PCDHGB3: variants seen among roughly 807,000 people sequenced by gnomAD.
The protein encoded by PCDHGB3 is protocadherin gamma-B3.
PCDHGB3 carries 40 observed loss-of-function variants against 59.2 expected under a neutral mutation model. That is an observed-to-expected ratio of 0.68 (90% CI 0.52 to 0.88). PCDHGB3 has a LOEUF of 0.88. Among genes scored for constraint, PCDHGB3 ranks in the 40% least tolerant of loss-of-function variants. PCDHGB3 has a pLI of 0.00. For missense variants in PCDHGB3, 1,309 were observed against 1,187.9 expected (o/e 1.10, Z -1.50); for synonymous variants, 581 against 503.6 (o/e 1.15, Z -2.06).
chr5:141,486,161 A>G lies in PCDHGB3; in HGVS notation c.2416-8646A>G. 1 of 1,614,216 alleles carries G rather than the reference A, an allele frequency of 6.2e-7. No individual in the cohort carries two copies. The highest frequency in any genetic ancestry group is 8.5e-7 in the Non-Finnish European group (1 of 1,180,038). ...GGCTCGCGATGGGGGTTCTCCAGCC[A>G]TGGAGCAACATTGCAGCCTTCGAGT... On this transcript the variant is annotated intron_variant, in intron 1 of 3. Coordinates refer to ENST00000576222, the MANE Select transcript of PCDHGB3 (RefSeq NM_018924.5). The surrounding 1 kb of genome is among the most constrained non-coding windows in gnomAD (Gnocchi z 5.0).
chr5:141,461,510 G>T (rs2099016853), intron 1 of PCDHGB3, among the ~76,000 whole-genome samples: 1 of 152,014 alleles, frequency 6.6e-6, no homozygotes, highest in Non-Finnish European at 1.5e-5. Context: ...TTGGTGATTT[G>T]TTAGTTCCTT....
At chr5:141,382,796 G>T (rs1271325084) in intron 1 of PCDHGB3, 1 of 990,558 alleles carries the variant, frequency 1.0e-6, no homozygotes, top group Non-Finnish European at 1.5e-6. Context: ...CTATCCTGCT[G>T]GATTCTGAGC....
At chr5:141,441,730 A>ATGGT in intron 1 of PCDHGB3, 1 of 362,748 alleles carries the variant, frequency 2.8e-6, no homozygotes, top group South Asian at 2.2e-5. Flanking sequence ...CGCGACCAGG[A>ATGGT]CTAGCTCGCG....
At chr5:141,419,523 G>C in intron 1 of PCDHGB3, 1 of 1,612,204 alleles carries the variant, frequency 6.2e-7, no homozygotes, top group Non-Finnish European at 8.5e-7. Flanking sequence ...GTGGGCGACC[G>C]TAACGACAAC....
At chr5:141,383,534 T>C in intron 1 of PCDHGB3, 6 of 1,612,436 alleles carry the variant, frequency 3.7e-6, no homozygotes, top group Non-Finnish European at 5.1e-6. Context: ...CACCTGGTCC[T>C]CACAGCCTCT....
Position 141,372,801 on chromosome 5 carries a change from T to A in PCDHGB3, c.2407T>A (p.Leu803Met). ...NPEMPSNSGN[L>M]QKQAPPNTDW... Reference sequence around the variant, plus strand: ...AGAAATGCCTTCTAATTCAGGCAATTTGCAAAAGGTGAGTTTCTTCAAACC... The same window carrying A: ...AGAAATGCCTTCTAATTCAGGCAATATGCAAAAGGTGAGTTTCTTCAAACC... Residue 803 changes from leucine (L) to methionine (M), a missense_variant, in exon 1 of 4, where the codon TTG becomes ATG. Transcript: ENST00000576222. 6.3e-7 allele frequency: 1 copy of A among 1,594,978 alleles called. No individual in the cohort carries two copies. The highest frequency in any genetic ancestry group is 8.5e-7 in the Non-Finnish European group (1 of 1,170,082).
intron 1 of PCDHGB3, chr5:141,399,214 G>A: frequency 6.2e-7 from 1 of 1,613,956 alleles, no homozygotes; most frequent in African/African-American, 1.3e-5. Context: ...AACACTAATT[G>A]CTTTGATCAA....
rs1452602466 is a variant in PCDHGB3 at position 141,481,941 on chromosome 5, C to A, written c.2416-12866C>A. Among the ~76,000 whole-genome samples, 4 of 146,990 alleles carry A rather than the reference C, an allele frequency of 2.7e-5. No individual in the cohort carries two copies. The Admixed American group carries it at 2.7e-4, about 10-fold the overall frequency. On this transcript the variant is annotated intron_variant, in intron 1 of 3. Coordinates refer to ENST00000576222, the MANE Select transcript of PCDHGB3 (RefSeq NM_018924.5). ...AAAAAAAAAAAAAAAAAAAATCAGC[C>A]AGATGTGGTGGCAGGTGCCTGTAGT...
At chr5:141,375,966 C>A (rs373365863) in intron 1 of PCDHGB3, 4 of 1,613,374 alleles carry the variant, frequency 2.5e-6, no homozygotes, top group Non-Finnish European at 2.5e-6. Context: ...GAGGTGCGCA[C>A]GGCGCGCGCC....
At position 141,381,228 on chromosome 5, in the gene PCDHGB3, A is replaced by G. The variant is rs182297381; in HGVS notation, c.2415+8419A>G. ...TCTGGATTCTCCTCCTGGTTCCACC[A>G]ACTACTCTCCAGGACCTAGAAGAAT... On this transcript the variant is annotated intron_variant, in intron 1 of 3. Transcript: ENST00000576222. Among the ~76,000 whole-genome samples, 8 of 152,396 alleles carry G rather than the reference A, an allele frequency of 5.2e-5. No individual in the cohort carries two copies. In the East Asian group the frequency reaches 1.5e-3, roughly 29 times the overall value.
chr5:141,473,616 G>A (rs1049605139), intron 1 of PCDHGB3, among the ~76,000 whole-genome samples: 5 of 152,118 alleles, frequency 3.3e-5, no homozygotes, highest in African/African-American at 1.2e-4. Flanking sequence ...GCAAAGGGAG[G>A]GAGGAAAAAG....
chr5:141,415,062 G>C, intron 1 of PCDHGB3: 1 of 1,613,426 alleles, frequency 6.2e-7, no homozygotes, highest in Non-Finnish European at 8.5e-7. Context: ...ACACGGGCGA[G>C]GTGCGCACGG....
Position 141,393,813 on chromosome 5 carries a change from C to T in PCDHGB3, c.2415+21004C>T, listed in dbSNP as rs376904307. On this transcript the variant is annotated intron_variant, in intron 1 of 3. Coordinates refer to ENST00000576222, the MANE Select transcript of PCDHGB3 (RefSeq NM_018924.5). ...GGCACTTCTGGGGAGGACCAAATTGCTCATTTCGGTGGAAGATGTAAATGA... is the reference window on the plus strand; with the variant it reads ...GGCACTTCTGGGGAGGACCAAATTGTTCATTTCGGTGGAAGATGTAAATGA... 4.3e-6 allele frequency: 7 copies of T among 1,613,812 alleles called. 1 individual carries two copies. The East Asian group carries it at 8.9e-5, about 21-fold the overall frequency.
At chr5:141,474,117 A>C (rs748431734) in intron 1 of PCDHGB3, among the ~76,000 whole-genome samples, 11 of 152,186 alleles carry the variant, frequency 7.2e-5, no homozygotes, top group Non-Finnish European at 1.2e-4. Context: ...ACAACAACGA[A>C]AATCTCAGAA....
Position 141,418,052 on chromosome 5 carries a change from G to A in PCDHGB3, c.2415+45243G>A, listed in dbSNP as rs202112422. 1.2e-3 allele frequency: 1,918 copies of A among 1,613,866 alleles called. 6 individuals are homozygous for A. Among genetic ancestry groups the A allele is most frequent in the East Asian group, 2.1e-3 (96 of 44,758 alleles). On this transcript the variant is annotated intron_variant, in intron 1 of 3. Coordinates refer to ENST00000576222, the MANE Select transcript of PCDHGB3 (RefSeq NM_018924.5). ...TAGTGTCCTGGATGTGTCGGCTCGC[G>A]AGCTGCGAGTGAGCGCGGAGAAGCT...
intron 1 of PCDHGB3, chr5:141,418,882 C>G: frequency 1.2e-6 from 2 of 1,613,960 alleles, no homozygotes; most frequent in Non-Finnish European, 1.7e-6. Flanking sequence ...TAGACGAAAA[C>G]GACAACAGCC....
intron 1 of PCDHGB3, chr5:141,385,530 A>T (rs1020257746): frequency 2.5e-4 from 336 of 1,356,078 alleles, no homozygotes; most frequent in Non-Finnish European, 2.9e-4. Flanking sequence ...GGACAAGATT[A>T]TGAATATGTG....
At chr5:141,480,295 G>A (rs1190133739) in intron 1 of PCDHGB3, among the ~76,000 whole-genome samples, 2 of 133,330 alleles carry the variant, frequency 1.5e-5, no homozygotes, top group Admixed American at 7.4e-5. Context: ...TGCACCTGTG[G>A]TACCAGCTAC....
Position 141,487,564 on chromosome 5 carries a change from G to A in PCDHGB3, c.2416-7243G>A, listed in dbSNP as rs1436847912. ...AGTCACCCAGTGCACCTATGGCAGG[G>A]GAGCCTGTTCGCCCAAGCTGCCCAC... On this transcript the variant is annotated intron_variant, in intron 1 of 3. Coordinates refer to ENST00000576222, the MANE Select transcript of PCDHGB3 (RefSeq NM_018924.5). This position sits in a 1 kb window ranked among gnomAD's most constrained non-coding sequence, Gnocchi z 5.0. 3 of 1,614,178 alleles carry A rather than the reference G, an allele frequency of 1.9e-6. No homozygotes were observed. Among genetic ancestry groups the A allele is most frequent in the Non-Finnish European group, 2.5e-6 (3 of 1,180,040 alleles).
Sources: gnomAD v4.1 joint callset for allele counts (sites outside exome capture counted in the v4.1 genomes callset) on GRCh38, gnomAD v4.1.1 for gene constraint, Gnocchi (gnomAD v3.1) non-coding constraint, MANE v1.5 for transcripts, NCBI Gene and HGNC (gene_info 2026-07-23, HGNC 2026-07-21) for gene names.